Variants in ABCC8 observed in about 807,000 individuals in gnomAD.
The protein encoded by ABCC8 is ATP binding cassette subfamily C member 8.
ABCC8 carries 137 observed loss-of-function variants against 188.0 expected under a neutral mutation model. The ratio of observed to expected loss-of-function variants is 0.73; its 90% CI spans 0.63 to 0.84. The LOEUF (loss-of-function observed/expected upper bound fraction) is 0.84, where lower values mean the gene tolerates loss of function less well. ABCC8 is among the 40% of genes least tolerant of loss of function. The pLI is 0.00. For missense variants in ABCC8, 1,750 were observed against 2,072.7 expected, an observed-to-expected ratio of 0.84 and a Z score of 3.02; for synonymous variants, 797 against 846.5, an observed-to-expected ratio of 0.94 and a Z score of 1.01.
Position 17,410,504 on chromosome 11 carries a change from G to A in ABCC8, c.2694+12C>T. ...CTGCCCCCTATAGCCTGACCCCCTT[G>A]TTCCCCCTCACCCAGTCTGCATGGG... On this transcript the variant is annotated intron_variant, in intron 22 of 38. Transcript: ENST00000389817. 1 of 1,614,072 alleles carries A rather than the reference G, an allele frequency of 6.2e-7. No individual in the cohort carries two copies. Among genetic ancestry groups the A allele is most frequent in the African/African-American group, 1.3e-5 (1 of 75,034 alleles).
chr11:17,450,896 T>C (rs1348654835), intron 7 of ABCC8, among the ~76,000 whole-genome samples: 1 of 140,850 alleles, frequency 7.1e-6, no homozygotes, highest in Admixed American at 7.0e-5. Flanking sequence ...ACTATGTTGG[T>C]CAGGCTGGTC....
At chr11:17,476,595 G>A (rs1437053059) in intron 1 of ABCC8, 34 bp downstream of exon 1, 1 of 1,605,156 alleles carries the variant, frequency 6.2e-7, no homozygotes. Context: ...CTGCTCTCCC[G>A]TCCCCTCCTC....
At chr11:17,451,805 A>G (rs913924307) in intron 7 of ABCC8, among the ~76,000 whole-genome samples, 1 of 152,254 alleles carries the variant, frequency 6.6e-6, no homozygotes, top group African/African-American at 2.4e-5. Flanking sequence ...TAGACTCTCT[A>G]GATACGGCCA....
intron 7 of ABCC8, among the ~76,000 whole-genome samples, chr11:17,450,128 C>T (rs892165511): frequency 6.6e-6 from 1 of 152,152 alleles, no homozygotes; most frequent in Admixed American, 6.5e-5. Flanking sequence ...ATGCACAAAG[C>T]GTGGTTATTC....
intron 6 of ABCC8, among the ~76,000 whole-genome samples, chr11:17,458,344 G>GA (rs1361900163): frequency 6.6e-6 from 1 of 151,944 alleles, no homozygotes; most frequent in Non-Finnish European, 1.5e-5. Flanking sequence ...TAAACAAAGA[G>GA]AAAAAAACGG....
chr11:17,471,740 G>T (rs1374634087), intron 2 of ABCC8, among the ~76,000 whole-genome samples: 3 of 152,188 alleles, frequency 2.0e-5, no homozygotes, highest in Admixed American at 6.5e-5. Context: ...GGGGAAGATA[G>T]GCTGACACAC....
chr11:17,398,591 T>G, intron 29 of ABCC8, 150 bp from the exon 30 acceptor site: 1 of 1,452,640 alleles, frequency 6.9e-7, no homozygotes, highest in South Asian at 1.2e-5. Flanking sequence ...CTCTCTGGAA[T>G]GTCCACCCCA....
Position 17,427,194 on chromosome 11 carries a change from G to A in ABCC8, c.2117-40C>T. ...GGTGGCAGATGTGAGTGGGGCCGGG[G>A]GAGTCTGAACAACCATTACCCAGAA... On this transcript the variant is annotated intron_variant, in intron 15 of 38. Transcript: ENST00000389817. The surrounding 1 kb of genome is among the most constrained non-coding windows in gnomAD (Gnocchi z 5.0). 1.3e-6 allele frequency: 2 copies of A among 1,580,314 alleles called. No individual in the cohort carries two copies. The highest frequency in any genetic ancestry group is 1.7e-6 in the Non-Finnish European group (2 of 1,162,632).
At chr11:17,407,675 C>CT (rs1260572966) in intron 23 of ABCC8, among the ~76,000 whole-genome samples, 3 of 152,182 alleles carry the variant, frequency 2.0e-5, no homozygotes, top group Non-Finnish European at 4.4e-5. Flanking sequence ...CCACTCTTCC[C>CT]CTGTTTTTAG....
At chr11:17,401,257 G>C (rs1188144182) in intron 29 of ABCC8, among the ~76,000 whole-genome samples, 1 of 152,260 alleles carries the variant, frequency 6.6e-6, no homozygotes, top group Non-Finnish European at 1.5e-5. Context: ...GTTCAGGCTT[G>C]AGAAGAGGAG....
intron 11 of ABCC8, among the ~76,000 whole-genome samples, chr11:17,431,291 C>T (rs143322532): frequency 1.1e-3 from 165 of 152,286 alleles, no homozygotes; most frequent in African/African-American, 3.7e-3. Flanking sequence ...GCGGGGTGCT[C>T]ATCTCCCCAG....
intron 2 of ABCC8, among the ~76,000 whole-genome samples, chr11:17,473,748 T>C (rs1199334589): frequency 3.3e-5 from 5 of 152,202 alleles, no homozygotes; most frequent in African/African-American, 1.2e-4. Flanking sequence ...TGCTAAGTCC[T>C]GCTTCTATTA....
chr11:17,443,568 T>C lies in ABCC8; in HGVS notation c.1333-256A>G. On this transcript the variant is annotated intron_variant, in intron 8 of 38. Coordinates refer to ENST00000389817, the MANE Select transcript of ABCC8 (RefSeq NM_000352.6). ...TAACTGCATTTATCTGCAAGGCTGG[T>C]TGAAGCCTTAACTCTCTCCAGTCTA... 5.9e-6 allele frequency: 3 copies of C among 507,494 alleles called. No homozygotes were observed. In the South Asian group the frequency reaches 6.1e-5, roughly 10 times the overall value. 31.4% of individuals were successfully genotyped at this position (507,494 alleles called of 1,614,324 possible).
chr11:17,405,365 CG>C, intron 27 of ABCC8, 128 bp downstream of exon 27: 1 of 1,432,430 alleles, frequency 7.0e-7, no homozygotes, highest in Non-Finnish European at 9.8e-7. Context: ...ATAATCGGAT[CG>C]GGGACACTGG....
At chr11:17,417,572 C>T (rs1955143511) in intron 16 of ABCC8, among the ~76,000 whole-genome samples, 2 of 152,058 alleles carry the variant, frequency 1.3e-5, no homozygotes, top group South Asian at 4.1e-4. Context: ...GTGCTCTATC[C>T]CCTCCCCCAG....
intron 2 of ABCC8, 151 bp from the exon 3 acceptor site, chr11:17,470,373 G>A (rs1591917066): frequency 4.4e-6 from 6 of 1,372,964 alleles, no homozygotes; most frequent in Non-Finnish European, 6.0e-6. Flanking sequence ...CGTATTTGGG[G>A]TATGGGCTGG....
intron 19 of ABCC8, among the ~76,000 whole-genome samples, chr11:17,413,935 G>A (rs1340026488): frequency 6.6e-6 from 1 of 152,178 alleles, no homozygotes; most frequent in Non-Finnish European, 1.5e-5. Flanking sequence ...AGGCATCAGA[G>A]TATGTTGGTG....
chr11:17,436,829 C>T (rs575465822), intron 10 of ABCC8, among the ~76,000 whole-genome samples: 13 of 152,300 alleles, frequency 8.5e-5, no homozygotes, highest in African/African-American at 3.1e-4. Flanking sequence ...TGGCTCACGC[C>T]TGTAATCCCA....
At chr11:17,405,463 AG>A (rs750261218) in intron 27 of ABCC8, 30 bp downstream of exon 27, 10 of 1,613,890 alleles carry the variant, frequency 6.2e-6, no homozygotes, top group Non-Finnish European at 8.5e-6. Flanking sequence ...TGTCTCTGGA[AG>A]GGGGGATAGT....
Sources: allele counts gnomAD v4.1 joint callset (sites outside exome capture counted in the v4.1 genomes callset), GRCh38; gene constraint gnomAD v4.1.1; non-coding constraint Gnocchi (gnomAD v3.1); transcripts MANE v1.5; gene names NCBI Gene and HGNC (gene_info 2026-07-23, HGNC 2026-07-21).